SORL1: variants seen among roughly 807,000 people sequenced by gnomAD.
SORL1 encodes the protein sortilin related receptor 1.
Under a neutral mutation model 273.7 loss-of-function variants are expected in SORL1, and 127 were observed. The observed-to-expected ratio is 0.46, with a 90% CI of 0.40 to 0.54. SORL1 has a LOEUF of 0.54. Among genes scored for constraint, SORL1 ranks in the 20% least tolerant of loss-of-function variants. SORL1 has a pLI of 0.00. For missense variants in SORL1, 2,494 were observed against 2,846.1 expected (o/e 0.88, Z 2.81); for synonymous variants, 1,031 against 1,067.4 (o/e 0.97, Z 0.66).
chr11:121,591,145 G>A lies in SORL1; in HGVS notation c.4358G>A (p.Cys1453Tyr). The A allele has an allele frequency of 6.2e-7, 1 of 1,614,118 alleles. No individual in the cohort carries two copies. Among genetic ancestry groups the A allele is most frequent in the Non-Finnish European group, 8.5e-7 (1 of 1,180,012 alleles). ...GCAGATGGCTCTGACGAGGAAGCCT[G>A]CCCCTTGCTTGGTGAGTTCTGGCCC... The part of the protein sequence containing the change: ...DCADGSDEEA[C>Y]PLLANVTAAS... The change falls in exon 31 of 48, where the codon TGC becomes TAC. Residue 1453 changes from cysteine (C) to tyrosine (Y), a missense_variant. Cys to Tyr is a radical substitution (Grantham distance 194). Coordinates refer to ENST00000260197, the MANE Select transcript of SORL1 (RefSeq NM_003105.6).
At chr11:121,502,210 A>G (rs780482135) in intron 6 of SORL1, among the ~76,000 whole-genome samples, 22 of 128,454 alleles carry the variant, frequency 1.7e-4, no homozygotes, top group Non-Finnish European at 3.4e-4. Context: ...ATCTCGGCTC[A>G]CTGCAAGCTC....
chr11:121,476,762 TCCTC>T (rs1266883729), intron 2 of SORL1, among the ~76,000 whole-genome samples: 25 of 80,190 alleles, frequency 3.1e-4, no homozygotes, highest in East Asian at 1.2e-3. Context: ...CTCCCACGCT[TCCTC>T]CCTCCCTCCC....
In SORL1 at chr11:121,547,417, C is replaced by CAAAAAAAAAAAAAAAAA. The variant is rs67390938; in HGVS notation, c.2051+2000_2051+2016dup. Among the ~76,000 whole-genome samples the CAAAAAAAAAAAAAAAAA allele has an allele frequency of 3.3e-4, 8 of 24,034 alleles. 2 individuals carry two copies. The highest frequency in any genetic ancestry group is 1.5e-3 in the African/African-American group (6 of 4,102). 15.8% of individuals were successfully genotyped at this position (24,034 alleles called of 152,430 possible). On this transcript the variant is annotated intron_variant, in intron 14 of 47. Coordinates refer to ENST00000260197, the MANE Select transcript of SORL1 (RefSeq NM_003105.6). ...TGCCCTACATTTCCCCAACCCTCAC[C>CAAAAAAAAAAAAAAAAA]AAAAAAAAAAAAAAAAAAAAAAAAA...
At chr11:121,453,774 G>A (rs1222074018) in intron 1 of SORL1, among the ~76,000 whole-genome samples, 1 of 152,242 alleles carries the variant, frequency 6.6e-6, no homozygotes, top group Non-Finnish European at 1.5e-5. Context: ...GCGTGGAATG[G>A]TGAAGTGACT....
chr11:121,627,732 T>C lies in SORL1; in HGVS notation c.6542T>C (p.Leu2181Pro), dbSNP rs751609964. 1.2e-6 allele frequency: 2 copies of C among 1,613,970 alleles called. No homozygotes were observed. Among genetic ancestry groups the C allele is most frequent in the African/African-American group, 1.3e-5 (1 of 74,934 alleles). ...AFANSHYSSR[L>P]GSAIFSSGDD... Reference sequence around the variant, plus strand: ...GCCAACAGCCACTACAGCTCCAGGCTGGGGTCCGCAATCTTCTCCTCTGGG... The same window carrying C: ...GCCAACAGCCACTACAGCTCCAGGCCGGGGTCCGCAATCTTCTCCTCTGGG... Residue 2181 changes from leucine to proline, a missense_variant, in exon 47 of 48, where the codon CTG (leucine) becomes CCG (proline). Transcript: ENST00000260197. The surrounding 1 kb of genome is among the most constrained non-coding windows in gnomAD (Gnocchi z 4.9).
intron 2 of SORL1, among the ~76,000 whole-genome samples, chr11:121,472,835 C>T (rs1225587806): frequency 1.3e-5 from 2 of 152,010 alleles, no homozygotes; most frequent in Non-Finnish European, 2.9e-5. Context: ...TGGTGGGTGC[C>T]TGTAATTCCA....
At chr11:121,509,878 A>G (rs1328156642) in intron 6 of SORL1, among the ~76,000 whole-genome samples, 1 of 152,218 alleles carries the variant, frequency 6.6e-6, no homozygotes, top group Non-Finnish European at 1.5e-5. Context: ...TATTTAAATC[A>G]TTTCTACTAG....
At chr11:121,570,110 G>GAAT (rs1407535054) in intron 22 of SORL1, 47 bp from the exon 23 acceptor site, 1 of 1,277,180 alleles carries the variant, frequency 7.8e-7, no homozygotes, top group Non-Finnish European at 1.1e-6. Context: ...CCAGCAGTAA[G>GAAT]AATAATATTG....
rs758488231 is a variant in SORL1, at chr11:121,605,613, A to C, written c.4948+42A>C. Reference sequence around the variant, plus strand: ...ATTTTTATGGCATGGGTAAGACCTCAGGTCGGGGTTTGTGAGGGTCTTTCT... The same window carrying C: ...ATTTTTATGGCATGGGTAAGACCTCCGGTCGGGGTTTGTGAGGGTCTTTCT... On this transcript the variant is annotated intron_variant, in intron 35 of 47. Coordinates refer to ENST00000260197, the MANE Select transcript of SORL1 (RefSeq NM_003105.6). The C allele has an allele frequency of 1.5e-5, 24 of 1,557,366 alleles. No individual in the cohort carries two copies. The Admixed American group carries it at 4.1e-4, about 26-fold the overall frequency.
chr11:121,559,230 C>T (rs1175223564), intron 20 of SORL1, among the ~76,000 whole-genome samples: 1 of 152,196 alleles, frequency 6.6e-6, no homozygotes, highest in East Asian at 1.9e-4. Context: ...TGGAGAGCAA[C>T]ATGGCTCTTC....
rs79533290 is a variant in SORL1, at chr11:121,554,578, G to A, written c.2439+469G>A. On this transcript the variant is annotated intron_variant, in intron 17 of 47. Transcript: ENST00000260197. The surrounding 1 kb of genome is among the most constrained non-coding windows in gnomAD (Gnocchi z 4.6). ...GGACAGGCCAGGTGGATAGCCATACGCTCACACCCATGCATTTAAAGGAGA... is the reference window on the plus strand; with the variant it reads ...GGACAGGCCAGGTGGATAGCCATACACTCACACCCATGCATTTAAAGGAGA... Among the ~76,000 whole-genome samples the A allele has an allele frequency of 7.5e-3, 1,149 of 152,328 alleles. 19 individuals are homozygous for A. Among genetic ancestry groups the A allele is most frequent in the African/African-American group, 0.025 (1,047 of 41,560 alleles).
intron 32 of SORL1, among the ~76,000 whole-genome samples, chr11:121,599,754 C>A (rs1424239141): frequency 6.6e-6 from 1 of 150,704 alleles, no homozygotes; most frequent in Non-Finnish European, 1.5e-5. Flanking sequence ...ATAATTAATT[C>A]TCCTGCTGTG....
At chr11:121,519,095 G>C (rs937754376) in intron 8 of SORL1, among the ~76,000 whole-genome samples, 1 of 151,532 alleles carries the variant, frequency 6.6e-6, no homozygotes. Flanking sequence ...CTACAGGCAC[G>C]TGCCACCATG....
At chr11:121,464,549 G>T (rs1861053473) in intron 1 of SORL1, among the ~76,000 whole-genome samples, 1 of 152,208 alleles carries the variant, frequency 6.6e-6, no homozygotes, top group Non-Finnish European at 1.5e-5. Context: ...TGAGGACTGG[G>T]TGGTAGCAGG....
chr11:121,469,902 G>C (rs1861143716), intron 1 of SORL1, 105 bp from the exon 2 acceptor site: 1 of 862,302 alleles, frequency 1.2e-6, no homozygotes. Context: ...TTAGATGGCA[G>C]AATCTTCATC....
At chr11:121,608,041 T>G (rs569771127) in intron 37 of SORL1, 63 bp from the exon 38 acceptor site, 431 of 1,411,104 alleles carry the variant, frequency 3.1e-4, no homozygotes, top group East Asian at 4.6e-5. Context: ...TTCAGTATTC[T>G]TACTGTATGG....
intron 46 of SORL1, 140 bp downstream of exon 46, chr11:121,625,417 T>G (rs1863781875): frequency 1.4e-6 from 1 of 706,038 alleles, no homozygotes; most frequent in Non-Finnish European, 2.3e-6. Context: ...TATATCAGTT[T>G]GGTCAGGTAG....
Position 121,470,007 on chromosome 11 carries a change from G to A in SORL1, c.286G>A (p.Val96Ile), listed in dbSNP as rs757844871. The A allele has an allele frequency of 6.2e-7, 1 of 1,604,408 alleles. No homozygotes were observed. The highest frequency in any genetic ancestry group is 8.5e-7 in the Non-Finnish European group (1 of 1,171,108). Reference sequence around the variant, plus strand: ...TAATTCCTACATTGATCTCTTTCAGGTTAGTCTGAATGATTCCCACAATCA... The same window carrying A: ...TAATTCCTACATTGATCTCTTTCAGATTAGTCTGAATGATTCCCACAATCA... ...QPEPIKVYGQ[V>I]SLNDSHNQMV... The change falls in exon 2 of 48, where the codon GTT becomes ATT. Residue 96 changes from valine to isoleucine, a missense_variant and splice_region_variant. This residue lies in a region of SORL1 where 175 missense variants were observed against 147.1 expected (regional missense o/e 1.19). Transcript: ENST00000260197.
chr11:121,513,076 C>T lies in SORL1; in HGVS notation c.1013C>T (p.Ala338Val), dbSNP rs1483653291. Residue 338 changes from alanine to valine, a missense_variant, in exon 7 of 48, where the codon GCC becomes GTC. This residue lies in a region of SORL1 where 710 missense variants were observed against 882.5 expected (regional missense o/e 0.80). Transcript: ENST00000260197. ...VSFGRKPMRA[A>V]QFVTRHPINE... ...TTTGGCCGGAAGCCCATGAGAGCAG[C>T]CCAGTTTGTCACAAGACATCCTATT... The T allele has an allele frequency of 6.8e-6, 11 of 1,613,606 alleles. No individual in the cohort carries two copies. Among genetic ancestry groups the T allele is most frequent in the Non-Finnish European group, 8.5e-6 (10 of 1,179,630 alleles).
Sources: allele counts gnomAD v4.1 joint callset (sites outside exome capture counted in the v4.1 genomes callset), GRCh38; gene constraint gnomAD v4.1.1; regional missense constraint gnomAD v4.1.1; non-coding constraint Gnocchi (gnomAD v3.1); transcripts MANE v1.5; gene names NCBI Gene and HGNC (gene_info 2026-07-23, HGNC 2026-07-21).